Variants in SPATS2 observed in about 807,000 individuals in gnomAD.
SPATS2 encodes the protein spermatogenesis-associated serine-rich protein 2.
In SPATS2, 38 loss-of-function variants were observed where a neutral mutation model predicts 63.7. That is an observed-to-expected ratio of 0.60 (90% CI 0.46 to 0.78). The LOEUF (loss-of-function observed/expected upper bound fraction) is 0.78. Ranked by LOEUF, SPATS2 falls within the 30% of genes least tolerant of loss-of-function variation. SPATS2 has a pLI of 0.00. For missense variants in SPATS2, 588 were observed against 666.2 expected, an observed-to-expected ratio of 0.88 and a Z score of 1.29; for synonymous variants, 207 against 232.9, an observed-to-expected ratio of 0.89 and a Z score of 1.01.
chr12:49,440,285 A>T (rs1376270499), intron 2 of SPATS2, among the ~76,000 whole-genome samples: 1 of 152,152 alleles, frequency 6.6e-6, no homozygotes, highest in Non-Finnish European at 1.5e-5. Flanking sequence ...TTGATATAAT[A>T]GTGTATTTCC....
intron 2 of SPATS2, among the ~76,000 whole-genome samples, chr12:49,440,383 T>C (rs1272148478): frequency 2.0e-5 from 3 of 152,142 alleles, no homozygotes; most frequent in African/African-American, 4.8e-5. Context: ...TAAGATCTAA[T>C]CCAGGACCAT....
At chr12:49,514,842 A>G (rs1418580771) in intron 10 of SPATS2, among the ~76,000 whole-genome samples, 1 of 152,240 alleles carries the variant, frequency 6.6e-6, no homozygotes, top group African/African-American at 2.4e-5. Flanking sequence ...TGCAGAGTTC[A>G]GTGTATAAGA....
chr12:49,409,289 G>GT (rs982568304), intron 2 of SPATS2, among the ~76,000 whole-genome samples: 20 of 151,838 alleles, frequency 1.3e-4, no homozygotes, highest in African/African-American at 4.8e-4. Context: ...TATTTTAGAA[G>GT]TTTTTTTTGT....
chr12:49,428,269 CAAACA>C (rs1363180386), intron 2 of SPATS2, among the ~76,000 whole-genome samples: 3 of 143,444 alleles, frequency 2.1e-5, no homozygotes, highest in African/African-American at 5.4e-5. Context: ...AACAAACAAA[CAAACA>C]AAAAAAAAAA....
intron 11 of SPATS2, 135 bp downstream of exon 11, chr12:49,519,317 C>T (rs2138073972): frequency 3.1e-6 from 2 of 654,622 alleles, no homozygotes; most frequent in Admixed American, 3.3e-5. Flanking sequence ...CTTCCAAGTC[C>T]CTTTCTCTGT....
chr12:49,434,473 A>G (rs942704526), intron 2 of SPATS2, among the ~76,000 whole-genome samples: 4 of 152,070 alleles, frequency 2.6e-5, no homozygotes, highest in East Asian at 1.9e-4. Flanking sequence ...GGTAACCTCT[A>G]TTCTGCTTTT....
chr12:49,488,673 G>A (rs894431514), intron 4 of SPATS2, among the ~76,000 whole-genome samples: 2 of 151,748 alleles, frequency 1.3e-5, no homozygotes, highest in Admixed American at 1.3e-4. Flanking sequence ...ATAAATAAGA[G>A]ATGCATTTAT....
chr12:49,386,476 T>C (rs928676627), intron 2 of SPATS2, among the ~76,000 whole-genome samples: 1 of 152,170 alleles, frequency 6.6e-6, no homozygotes. Context: ...TCTGTGGTTA[T>C]AAATTTAAAG....
At chr12:49,523,322 A>G (rs1218563101) in intron 12 of SPATS2, among the ~76,000 whole-genome samples, 1 of 151,488 alleles carries the variant, frequency 6.6e-6, no homozygotes, top group Admixed American at 6.6e-5. Flanking sequence ...AAAAAATTCA[A>G]AAGAAAAAAT....
chr12:49,385,703 G>T (rs1944302395), intron 2 of SPATS2, among the ~76,000 whole-genome samples: 1 of 152,060 alleles, frequency 6.6e-6, no homozygotes, highest in African/African-American at 2.4e-5. Flanking sequence ...ATGGAGGTTT[G>T]TGTAAAGAGG....
At chr12:49,429,452 C>G (rs1945140246) in intron 2 of SPATS2, among the ~76,000 whole-genome samples, 1 of 151,936 alleles carries the variant, frequency 6.6e-6, no homozygotes, top group African/African-American at 2.4e-5. Flanking sequence ...AGGAAATCCC[C>G]TTTTTAGTTC....
At chr12:49,525,474 A>T (rs1947017250) in intron 13 of SPATS2, among the ~76,000 whole-genome samples, 1 of 152,250 alleles carries the variant, frequency 6.6e-6, no homozygotes, top group Non-Finnish European at 1.5e-5. Flanking sequence ...TTTCCGGATT[A>T]TAATGCGAAA....
At chr12:49,445,332 C>G (rs576000863) in intron 2 of SPATS2, among the ~76,000 whole-genome samples, 60 of 152,026 alleles carry the variant, frequency 3.9e-4, no homozygotes, top group African/African-American at 1.4e-3. Flanking sequence ...TTTTCTGTAC[C>G]TACTGAGATG....
intron 2 of SPATS2, among the ~76,000 whole-genome samples, chr12:49,423,351 C>T (rs1207625117): frequency 2.6e-5 from 4 of 152,088 alleles, no homozygotes; most frequent in Non-Finnish European, 4.4e-5. Context: ...AGGCTGGTCT[C>T]GAACTCCTGA....
chr12:49,461,936 G>T (rs760244538), intron 3 of SPATS2, among the ~76,000 whole-genome samples: 1 of 151,988 alleles, frequency 6.6e-6, no homozygotes, highest in African/African-American at 2.4e-5. Flanking sequence ...CAACGGAAAA[G>T]TTTTTTTTAA....
intron 2 of SPATS2, among the ~76,000 whole-genome samples, chr12:49,440,945 C>CT (rs1945407613): frequency 6.6e-6 from 1 of 152,162 alleles, no homozygotes; most frequent in African/African-American, 2.4e-5. Context: ...ATTAATAGTG[C>CT]TAATAACTTT....
At chr12:49,476,885 C>T (rs192891639) in intron 3 of SPATS2, among the ~76,000 whole-genome samples, 3 of 152,288 alleles carry the variant, frequency 2.0e-5, no homozygotes, top group East Asian at 1.9e-4. Context: ...GCGGGCGGAT[C>T]GCCTGAGGTC....
chr12:49,466,248 C>T (rs1031739333), intron 3 of SPATS2, among the ~76,000 whole-genome samples: 14 of 152,048 alleles, frequency 9.2e-5, no homozygotes, highest in Admixed American at 8.5e-4. Flanking sequence ...ACTACAACCT[C>T]CGCCTCCCAG....
chr12:49,514,818 C>T (rs1320640792), intron 10 of SPATS2, among the ~76,000 whole-genome samples: 1 of 152,110 alleles, frequency 6.6e-6, no homozygotes, highest in Non-Finnish European at 1.5e-5. Flanking sequence ...ATTTCCAAAT[C>T]TTAATATTTT....
Sources: gnomAD v4.1 joint callset for allele counts (sites outside exome capture counted in the v4.1 genomes callset) on GRCh38, gnomAD v4.1.1 for gene constraint, MANE v1.5 for transcripts, NCBI Gene and HGNC (gene_info 2026-07-23, HGNC 2026-07-21) for gene names.